The following SH3GL2 variants were observed in gnomAD, a reference collection of about 807,000 sequenced individuals.
SH3GL2 encodes the protein SH3 domain containing GRB2 like 2, endophilin A1, also known as endophilin-A1.
SH3GL2 carries 24 observed loss-of-function variants against 46.0 expected under a neutral mutation model. The ratio of observed to expected loss-of-function variants is 0.52; its 90% CI spans 0.38 to 0.73. SH3GL2 has a LOEUF of 0.73. Ranked by LOEUF, SH3GL2 falls within the 30% of genes least tolerant of loss-of-function variation. The probability of loss-of-function intolerance (pLI) is 0.00; values close to 1 mark genes in which losing one functional copy is unlikely to be tolerated. For synonymous variants in SH3GL2, 196 were observed against 147.1 expected (o/e 1.33, Z -2.40); for missense variants, 413 against 424.2 (o/e 0.97, Z 0.23).
intron 1 of SH3GL2, among the ~76,000 whole-genome samples, chr9:17,716,815 C>T (rs1325267795): frequency 6.6e-6 from 1 of 152,106 alleles, no homozygotes; most frequent in East Asian, 1.9e-4. Context: ...GAAAATCTCT[C>T]AAAGCAGTAA....
At chr9:17,685,923 A>C (rs1376895590) in intron 1 of SH3GL2, among the ~76,000 whole-genome samples, 1 of 151,532 alleles carries the variant, frequency 6.6e-6, no homozygotes, top group African/African-American at 2.4e-5. Flanking sequence ...AATGGCAACA[A>C]AAGACAAAAT....
chr9:17,661,945 C>T (rs1482972661), intron 1 of SH3GL2, among the ~76,000 whole-genome samples: 1 of 152,130 alleles, frequency 6.6e-6, no homozygotes, highest in African/African-American at 2.4e-5. Context: ...GATTTTACTG[C>T]TGTCTTTTGG....
intron 1 of SH3GL2, among the ~76,000 whole-genome samples, chr9:17,579,517 CG>C (rs965519299): frequency 6.6e-6 from 1 of 152,052 alleles, no homozygotes; most frequent in African/African-American, 2.4e-5. Flanking sequence ...CGCGGGTCCC[CG>C]GCGTCCTGCC....
intron 1 of SH3GL2, among the ~76,000 whole-genome samples, chr9:17,733,755 T>G (rs1467113645): frequency 6.6e-6 from 1 of 152,010 alleles, no homozygotes. Flanking sequence ...ATTAAGAAAA[T>G]GCGGCACATA....
chr9:17,763,428 G>T (rs559702129), intron 3 of SH3GL2, among the ~76,000 whole-genome samples: 1 of 152,158 alleles, frequency 6.6e-6, no homozygotes, highest in Non-Finnish European at 1.5e-5. Flanking sequence ...CCAGTGATGG[G>T]TGTCCTTATG....
intron 1 of SH3GL2, among the ~76,000 whole-genome samples, chr9:17,651,197 A>ATT (rs1326095992): frequency 6.6e-6 from 1 of 151,944 alleles, no homozygotes; most frequent in East Asian, 1.9e-4. Flanking sequence ...TGTCTAAGCC[A>ATT]TTTTTTTCTC....
At chr9:17,782,538 G>A (rs546843775) in intron 3 of SH3GL2, among the ~76,000 whole-genome samples, 2 of 152,232 alleles carry the variant, frequency 1.3e-5, no homozygotes, top group South Asian at 4.1e-4. Flanking sequence ...CTCAGTGGTA[G>A]CCTTGGAATC....
intron 2 of SH3GL2, among the ~76,000 whole-genome samples, chr9:17,761,068 T>A (rs1326213189): frequency 6.6e-6 from 1 of 152,244 alleles, no homozygotes; most frequent in African/African-American, 2.4e-5. Flanking sequence ...TGCATGATTC[T>A]TTCTTGAGGG....
At chr9:17,731,116 T>C (rs1038343577) in intron 1 of SH3GL2, among the ~76,000 whole-genome samples, 1 of 152,116 alleles carries the variant, frequency 6.6e-6, no homozygotes, top group African/African-American at 2.4e-5. Context: ...AATGATACCT[T>C]TTCCTAAAGC....
intron 1 of SH3GL2, among the ~76,000 whole-genome samples, chr9:17,726,839 G>T (rs979251653): frequency 6.6e-6 from 1 of 152,124 alleles, no homozygotes; most frequent in African/African-American, 2.4e-5. Context: ...AGAAATTTTG[G>T]TAAACTGCAG....
chr9:17,598,140 AAAGGTT>A (rs1180939451), intron 1 of SH3GL2, among the ~76,000 whole-genome samples: 1 of 152,146 alleles, frequency 6.6e-6, no homozygotes, highest in Non-Finnish European at 1.5e-5. Flanking sequence ...CAGTATGTAG[AAAGGTT>A]AAGGTTGTCT....
At chr9:17,770,928 C>T (rs1230712200) in intron 3 of SH3GL2, among the ~76,000 whole-genome samples, 1 of 152,160 alleles carries the variant, frequency 6.6e-6, no homozygotes, top group Non-Finnish European at 1.5e-5. Context: ...CATGGCAAAG[C>T]AGTCTGACTC....
intron 1 of SH3GL2, among the ~76,000 whole-genome samples, chr9:17,627,986 T>C (rs532494378): frequency 6.6e-6 from 1 of 152,298 alleles, no homozygotes; most frequent in South Asian, 2.1e-4. Context: ...TGTAGAGTGG[T>C]TGTAATGATG....
At chr9:17,782,045 A>G (rs1823823987) in intron 3 of SH3GL2, among the ~76,000 whole-genome samples, 1 of 152,168 alleles carries the variant, frequency 6.6e-6, no homozygotes, top group Non-Finnish European at 1.5e-5. Context: ...TGCACATTAT[A>G]GGTGCTTCAT....
intron 1 of SH3GL2, among the ~76,000 whole-genome samples, chr9:17,715,222 C>G (rs1821720996): frequency 6.9e-6 from 1 of 145,250 alleles, no homozygotes; most frequent in African/African-American, 2.5e-5. Context: ...TGGGTTCTCA[C>G]TTTGTTGCTC....
At chr9:17,685,097 A>G (rs1220061002) in intron 1 of SH3GL2, among the ~76,000 whole-genome samples, 1 of 152,088 alleles carries the variant, frequency 6.6e-6, no homozygotes, top group African/African-American at 2.4e-5. Context: ...AAGGTTTTCT[A>G]GAGAAACAGA....
chr9:17,589,725 A>C (rs1238317681), intron 1 of SH3GL2: 1 of 152,306 alleles, frequency 6.6e-6, no homozygotes, highest in Non-Finnish European at 1.5e-5. Flanking sequence ...TCGGATGGCT[A>C]CATGGTACTT....
At chr9:17,766,155 A>T (rs1588315121) in intron 3 of SH3GL2, among the ~76,000 whole-genome samples, 1 of 152,228 alleles carries the variant, frequency 6.6e-6, no homozygotes, top group African/African-American at 2.4e-5. Context: ...AGAGGAGCCC[A>T]GAAGGCTTCA....
chr9:17,723,695 C>T (rs1312829229), intron 1 of SH3GL2, among the ~76,000 whole-genome samples: 2 of 152,102 alleles, frequency 1.3e-5, no homozygotes, highest in Non-Finnish European at 2.9e-5. Flanking sequence ...TCTTCTTCGT[C>T]TATTTGCCTG....
Sources: gnomAD v4.1 joint callset for allele counts (sites outside exome capture counted in the v4.1 genomes callset) on GRCh38, gnomAD v4.1.1 for gene constraint, MANE v1.5 for transcripts, NCBI Gene and HGNC (gene_info 2026-07-23, HGNC 2026-07-21) for gene names.